The following NCOR1 variants were observed in gnomAD, a reference collection of about 807,000 sequenced individuals.
NCOR1 encodes protein phosphatase 1, regulatory subunit 109.
A neutral mutation model predicts 288.1 loss-of-function variants in NCOR1; 63 were observed. That is an observed-to-expected ratio of 0.22 (90% CI 0.18 to 0.27). NCOR1 has a LOEUF of 0.27. Ranked by LOEUF, NCOR1 falls within the 10% of genes least tolerant of loss-of-function variation. NCOR1 has a pLI of 1.00. For missense variants in NCOR1, 2,397 were observed against 3,019.2 expected (o/e 0.79, Z 4.83); for synonymous variants, 1,007 against 1,065.9 (o/e 0.94, Z 1.08).
intron 42 of NCOR1, chr17:16,045,120 G>A (rs2058446939): frequency 1.2e-5 from 3 of 245,792 alleles, no homozygotes; most frequent in South Asian, 5.7e-5. Flanking sequence ...GAGAGAACAC[G>A]AGGAGGTTCT....
At chr17:16,095,649 C>T (rs1206197181) in intron 21 of NCOR1, among the ~76,000 whole-genome samples, 1 of 53,478 alleles carries the variant, frequency 1.9e-5, no homozygotes. Flanking sequence ...CCAGCCGCCC[C>T]GTCCGGGAGG....
intron 6 of NCOR1, 42 bp downstream of exon 6, chr17:16,158,718 T>G: frequency 8.1e-7 from 1 of 1,227,716 alleles, no homozygotes; most frequent in Non-Finnish European, 1.2e-6. Flanking sequence ...CATCGTCAAG[T>G]GGGGTTAAAG....
intron 11 of NCOR1, 66 bp from the exon 12 acceptor site, chr17:16,139,252 C>G: frequency 7.3e-7 from 1 of 1,373,696 alleles, no homozygotes; most frequent in Non-Finnish European, 1.0e-6. Flanking sequence ...GGCCATGGAC[C>G]AATGCTCTTA....
chr17:16,034,662 T>C lies in NCOR1; in HGVS notation c.7135+103A>G. On this transcript the variant is annotated intron_variant, in intron 45 of 45. Coordinates refer to ENST00000268712, the MANE Select transcript of NCOR1 (RefSeq NM_006311.4). ...TATTAATGATACAGAAATGGGAATA[T>C]AGGTTTCCAAATTAGAAGAGTTGCT... The C allele has an allele frequency of 4.8e-6, 5 of 1,050,612 alleles. No homozygotes were observed. In the South Asian group the frequency reaches 4.8e-5, roughly 10 times the overall value. 65.1% of individuals were successfully genotyped at this position (1,050,612 alleles called of 1,614,324 possible).
rs1971791588 is a variant in NCOR1 at position 16,030,003 on chromosome 17, A to T, written c.*2293T>A. 5.9e-6 allele frequency: 1 copy of T among 168,532 alleles called. No individual in the cohort carries two copies. The highest frequency in any genetic ancestry group is 1.3e-5 in the Non-Finnish European group (1 of 77,420). The allele number at this position is 168,532 out of a possible 1,614,324, so 10.4% of individuals were successfully genotyped here. A position where few individuals can be genotyped will look rare whatever the true frequency, so the allele number is the denominator to read the frequency against. The stretch of plus-strand genomic sequence containing the variant: ...AGTTAGGGGCATAGACCCCCTAAGT[A>T]GTCAAAAATCCACATCTAACTTTGA... On this transcript the variant is annotated 3_prime_UTR_variant, in exon 46 of 46. Transcript: ENST00000268712.
chr17:16,192,565 A>G (rs527732712), intron 2 of NCOR1, among the ~76,000 whole-genome samples: 1 of 152,324 alleles, frequency 6.6e-6, no homozygotes, highest in East Asian at 1.9e-4. Flanking sequence ...CTGAGACAGG[A>G]GAATTGCTTG....
At chr17:16,064,038 G>C (rs780744321) in intron 35 of NCOR1, 30 bp downstream of exon 35, 1 of 1,612,162 alleles carries the variant, frequency 6.2e-7, no homozygotes, top group Non-Finnish European at 8.5e-7. Context: ...GATGTGTCCA[G>C]AGAATGGAAG....
chr17:16,188,835 G>A lies in NCOR1; in HGVS notation c.109-2148C>T, dbSNP rs972942638. ...AGGTCAGGATTTCGAGACCAGCCTG[G>A]CCAACATGGTGAAACCCCATCTCTA... is the stretch of plus-strand genomic sequence containing the variant. On this transcript the variant is annotated intron_variant, in intron 2 of 45. Coordinates refer to ENST00000268712, the MANE Select transcript of NCOR1 (RefSeq NM_006311.4). Among the ~76,000 whole-genome samples, 59 of 151,862 alleles carry A rather than the reference G, an allele frequency of 3.9e-4. 1 individual carries two copies. The highest frequency in any genetic ancestry group is 1.4e-3 in the African/African-American group (58 of 41,320).
At chr17:16,088,138 C>A (rs185516028) in intron 22 of NCOR1, among the ~76,000 whole-genome samples, 22 of 152,140 alleles carry the variant, frequency 1.4e-4, no homozygotes, top group African/African-American at 5.3e-4. Context: ...TAGTTGTATC[C>A]ATTTATCTTT....
At position 16,048,983 on chromosome 17, in the gene NCOR1, G is replaced by A. The variant is rs748287659; in HGVS notation, c.6398C>T (p.Pro2133Leu). ...GTGACTCCTCTCTGGGGATTTTCCA[G>A]GCCTACTATTGTAATATGTGAAATA... ...NLVDKSRGSRPGKSPERSHVS... is the reference protein window; with the variant it reads ...NLVDKSRGSRLGKSPERSHVS... The change falls in exon 41 of 46, where the codon CCT (proline) becomes CTT (leucine). Residue 2133 changes from proline to leucine, a missense_variant. Pro to Leu is a moderately conservative substitution (Grantham distance 98). Transcript: ENST00000268712. 1 of 1,606,548 alleles carries A rather than the reference G, an allele frequency of 6.2e-7. No homozygotes were observed. Among genetic ancestry groups the A allele is most frequent in the Non-Finnish European group, 8.5e-7 (1 of 1,174,998 alleles).
chr17:16,109,049 A>G, intron 18 of NCOR1, 137 bp from the exon 19 acceptor site: 1 of 689,248 alleles, frequency 1.5e-6, no homozygotes, highest in Non-Finnish European at 2.1e-6. Context: ...AGTTCTGGTT[A>G]AAGTGCAGAT....
rs913586415 is a variant in NCOR1 at position 16,215,522 on chromosome 17, G to A, written c.-231C>T. ...CGGCTGCTGCTTCGCCACCTTGGCC[G>A]CCATCTTGACTCAACCCCTCTCCCT... On this transcript the variant is annotated 5_prime_UTR_variant, in exon 1 of 46. Coordinates refer to ENST00000268712, the MANE Select transcript of NCOR1 (RefSeq NM_006311.4). 1 of 399,000 alleles carries A rather than the reference G, an allele frequency of 2.5e-6. No homozygotes were observed. Among genetic ancestry groups the A allele is most frequent in the Non-Finnish European group, 4.4e-6 (1 of 226,488 alleles). The allele number at this position is 399,000 out of a possible 1,614,324, so 24.7% of individuals were successfully genotyped here.
At chr17:16,094,250 G>C (rs1043131908) in intron 21 of NCOR1, among the ~76,000 whole-genome samples, 3 of 151,974 alleles carry the variant, frequency 2.0e-5, no homozygotes, top group African/African-American at 7.3e-5. Flanking sequence ...TTTGAAATCA[G>C]AGGCTATAAT....
At chr17:16,092,685 ATATATATATATTT>A (rs1364314681) in intron 21 of NCOR1, among the ~76,000 whole-genome samples, 12 of 13,844 alleles carry the variant, frequency 8.7e-4, no homozygotes, top group African/African-American at 3.6e-3. Context: ...ATATATATAT[ATATATATATATTT>A]TTTTTTTTTT....
intron 21 of NCOR1, among the ~76,000 whole-genome samples, chr17:16,097,702 T>C (rs2066890981): frequency 6.6e-6 from 1 of 152,208 alleles, no homozygotes; most frequent in Non-Finnish European, 1.5e-5. Context: ...CTAGTAATTA[T>C]AAGTAAAGCA....
chr17:16,117,808 T>C (rs2153119254), intron 18 of NCOR1, 80 bp downstream of exon 18: 1 of 1,458,400 alleles, frequency 6.9e-7, no homozygotes, highest in Non-Finnish European at 9.3e-7. Flanking sequence ...GGTGATAGAG[T>C]GAGACTCCAT....
rs561535056 is a variant in NCOR1, at chr17:16,065,187, A to T, written c.4952-168T>A. On this transcript the variant is annotated intron_variant, in intron 33 of 45. Coordinates refer to ENST00000268712, the MANE Select transcript of NCOR1 (RefSeq NM_006311.4). ...TTTAAGACATTCTTTAAAGAAGGAT[A>T]TTAAAGACTGTACTTCACATCAGTA... Among the ~76,000 whole-genome samples, 21 of 152,364 alleles carry T rather than the reference A, an allele frequency of 1.4e-4. No homozygotes were observed. In the South Asian group the frequency reaches 3.3e-3, roughly 24 times the overall value.
At chr17:16,098,314 A>C (rs2067005069) in intron 21 of NCOR1, 53 bp downstream of exon 21, 1 of 1,568,052 alleles carries the variant, frequency 6.4e-7, no homozygotes, top group South Asian at 1.1e-5. Context: ...AAATATGTCT[A>C]TAAAGGTCTC....
intron 45 of NCOR1, among the ~76,000 whole-genome samples, chr17:16,032,876 G>C (rs1185938902): frequency 6.6e-6 from 1 of 152,218 alleles, no homozygotes; most frequent in Non-Finnish European, 1.5e-5. Context: ...CAATGGACAA[G>C]TACCCAGGAA....
Sources: gnomAD v4.1 joint callset for allele counts (sites outside exome capture counted in the v4.1 genomes callset) on GRCh38, gnomAD v4.1.1 for gene constraint, MANE v1.5 for transcripts, NCBI Gene and HGNC (gene_info 2026-07-23, HGNC 2026-07-21) for gene names.